SHC4: variants seen among roughly 807,000 people sequenced by gnomAD.
The protein encoded by SHC4 is SHC-transforming protein 4.
Under a neutral mutation model 69.4 loss-of-function variants are expected in SHC4, and 41 were observed. The observed-to-expected ratio is 0.59, with a 90% confidence interval of 0.46 to 0.77. The LOEUF (loss-of-function observed/expected upper bound fraction) is 0.77. Ranked by LOEUF, SHC4 falls within the 30% of genes least tolerant of loss-of-function variation. The probability of loss-of-function intolerance (pLI) is 0.00; values close to 1 mark genes in which losing one functional copy is unlikely to be tolerated. For synonymous variants in SHC4, 318 were observed against 299.3 expected (o/e 1.06, Z -0.64); for missense variants, 777 against 783.8 (o/e 0.99, Z 0.10).
intron 4 of SHC4, chr15:48,877,687 TAAATGA>T (rs1899837338): frequency 1.8e-6 from 1 of 540,850 alleles, no homozygotes; most frequent in South Asian, 8.1e-5. Context: ...TTTAACTTTT[TAAATGA>T]AAACACTAAA....
At chr15:48,880,262 T>C (rs1899914980) in intron 4 of SHC4, 1 of 166,536 alleles carries the variant, frequency 6.0e-6, no homozygotes, top group African/African-American at 2.4e-5. Context: ...ACAAGGCTGA[T>C]CAGAATTGCT....
Position 48,906,155 on chromosome 15 carries a change from G to C in SHC4, c.657-15344C>G, listed in dbSNP as rs147829202. On this transcript the variant is annotated intron_variant, in intron 2 of 11. Transcript: ENST00000332408. ...TATAAAAGGGGCCCAAATATATACA[G>C]TACCTATACATGGAGTCTCAAAGTT... is the stretch of plus-strand genomic sequence containing the variant. Among the ~76,000 whole-genome samples the C allele has an allele frequency of 2.2e-4, 33 of 152,118 alleles. 1 individual carries two copies. The East Asian group carries it at 6.4e-3, about 29-fold the overall frequency.
At chr15:48,869,761 C>T (rs911045987) in intron 5 of SHC4, among the ~76,000 whole-genome samples, 1 of 152,168 alleles carries the variant, frequency 6.6e-6, no homozygotes, top group Non-Finnish European at 1.5e-5. Context: ...CTCCAGACTT[C>T]TATTTTACTA....
intron 1 of SHC4, among the ~76,000 whole-genome samples, chr15:48,931,615 A>G (rs1900966405): frequency 6.6e-6 from 1 of 151,630 alleles, no homozygotes; most frequent in Non-Finnish European, 1.5e-5. Flanking sequence ...TCTGCACACT[A>G]CCCCCAGCAT....
intron 6 of SHC4, 65 bp downstream of exon 6, chr15:48,867,753 G>A: frequency 7.6e-7 from 1 of 1,322,354 alleles, no homozygotes; most frequent in Non-Finnish European, 1.1e-6. Flanking sequence ...GAAAATAACT[G>A]TTGGTTACTT....
chr15:48,897,665 T>A (rs940415755), intron 2 of SHC4, among the ~76,000 whole-genome samples: 3 of 149,052 alleles, frequency 2.0e-5, no homozygotes, highest in Non-Finnish European at 4.4e-5. Context: ...CTTCAGTAAA[T>A]AGGAAAGCCA....
At chr15:48,852,858 C>T (rs193126820) in intron 8 of SHC4, among the ~76,000 whole-genome samples, 10 of 151,040 alleles carry the variant, frequency 6.6e-5, no homozygotes, top group South Asian at 2.1e-4. Flanking sequence ...GCCGAGATCA[C>T]GCCACTGCAC....
intron 1 of SHC4, among the ~76,000 whole-genome samples, chr15:48,950,772 G>A (rs971377892): frequency 6.6e-5 from 10 of 152,126 alleles, no homozygotes; most frequent in Admixed American, 6.5e-4. Context: ...CTGAGTGGGC[G>A]GAGGTGACAG....
chr15:48,948,472 T>A (rs1901311618), intron 1 of SHC4, among the ~76,000 whole-genome samples: 1 of 152,242 alleles, frequency 6.6e-6, no homozygotes, highest in Non-Finnish European at 1.5e-5. Context: ...GCTACCAATA[T>A]GTCCACACTT....
intron 6 of SHC4, among the ~76,000 whole-genome samples, chr15:48,858,610 T>C (rs893881663): frequency 7.2e-5 from 11 of 152,216 alleles, no homozygotes; most frequent in Non-Finnish European, 1.3e-4. Flanking sequence ...GAGGAGCTTG[T>C]GGTTAGGGAC....
chr15:48,856,773 TAA>T (rs398027192), intron 7 of SHC4, among the ~76,000 whole-genome samples: 7 of 116,036 alleles, frequency 6.0e-5, no homozygotes, highest in South Asian at 2.7e-4. Flanking sequence ...AGTTTCTTAC[TAA>T]AAAAAAAAAA....
intron 9 of SHC4, among the ~76,000 whole-genome samples, chr15:48,844,070 A>C (rs1057088525): frequency 3.3e-5 from 5 of 152,232 alleles, no homozygotes; most frequent in Non-Finnish European, 4.4e-5. Flanking sequence ...ATAAATAAAA[A>C]ATGAATGAAT....
At chr15:48,828,771 A>G (rs752636929) in intron 11 of SHC4, among the ~76,000 whole-genome samples, 2 of 152,284 alleles carry the variant, frequency 1.3e-5, no homozygotes, top group Non-Finnish European at 1.5e-5. Flanking sequence ...ATGTTGATTG[A>G]GCATGTTTTC....
At chr15:48,889,315 G>A (rs1595746602) in intron 3 of SHC4, among the ~76,000 whole-genome samples, 1 of 152,212 alleles carries the variant, frequency 6.6e-6, no homozygotes, top group African/African-American at 2.4e-5. Flanking sequence ...GTTTCATACC[G>A]TGTGGATTCT....
chr15:48,889,637 G>A (rs1224992687), intron 3 of SHC4, among the ~76,000 whole-genome samples: 1 of 152,206 alleles, frequency 6.6e-6, no homozygotes, highest in East Asian at 1.9e-4. Flanking sequence ...GAGGTCAGGA[G>A]ATCAAGACCA....
chr15:48,960,945 C>G (rs1359895335), intron 1 of SHC4, among the ~76,000 whole-genome samples: 2 of 152,146 alleles, frequency 1.3e-5, no homozygotes, highest in East Asian at 3.9e-4. Flanking sequence ...ACAATGGTAA[C>G]AAAATAATCA....
chr15:48,855,764 G>A (rs992339998), intron 8 of SHC4, among the ~76,000 whole-genome samples, 189 bp downstream of exon 8: 2 of 152,074 alleles, frequency 1.3e-5, no homozygotes, highest in Non-Finnish European at 2.9e-5. Context: ...CATCTGCTGA[G>A]GCTACAATTG....
rs78129141 is a variant in SHC4, at chr15:48,942,319, G to T, written c.586-17370C>A. 1.8e-3 allele frequency among the ~76,000 whole-genome samples: 268 copies of T among 152,252 alleles called. 9 individuals carry two copies. The East Asian group carries it at 0.044, about 25-fold the overall frequency. On this transcript the variant is annotated intron_variant, in intron 1 of 11. Coordinates refer to ENST00000332408, the MANE Select transcript of SHC4 (RefSeq NM_203349.4). ...AAGCTCTAAGCAAGCATAGAAATTT[G>T]CTAAGCTATTCGATCACAAACATCA... is the stretch of plus-strand genomic sequence containing the variant.
intron 1 of SHC4, among the ~76,000 whole-genome samples, chr15:48,948,631 C>T (rs1367251487): frequency 3.3e-5 from 5 of 152,298 alleles, no homozygotes; most frequent in South Asian, 2.1e-4. Flanking sequence ...CTGGGCTGGG[C>T]GAAGTGGCTC....
Sources: allele counts gnomAD v4.1 joint callset (sites outside exome capture counted in the v4.1 genomes callset), GRCh38; gene constraint gnomAD v4.1.1; transcripts MANE v1.5; gene names NCBI Gene and HGNC (gene_info 2026-07-23, HGNC 2026-07-21).